Variants in BBS7 observed in about 807,000 individuals in gnomAD.
BBS7 encodes BBSome complex member BBS7.
BBS7 carries 50 observed loss-of-function variants against 90.3 expected under a neutral mutation model. That is an observed-to-expected ratio of 0.55 (90% confidence interval 0.44 to 0.70). BBS7 has a LOEUF of 0.70. BBS7 is among the 30% of genes least tolerant of loss of function. The pLI, the probability that BBS7 is intolerant of heterozygous loss-of-function variation, is 0.00. For missense variants in BBS7, 729 were observed against 838.9 expected, an observed-to-expected ratio of 0.87 and a Z score of 1.62; for synonymous variants, 235 against 287.4, an observed-to-expected ratio of 0.82 and a Z score of 1.85.
rs1725867914 is a variant in BBS7 at position 121,843,956 on chromosome 4, C to G, written c.1276G>C (p.Val426Leu). ...GAATCACAGCTGCTAAAGCTAACAACAGCAGAATTTTTATCCACATCAAGT... is the reference window on the plus strand; with the variant it reads ...GAATCACAGCTGCTAAAGCTAACAAGAGCAGAATTTTTATCCACATCAAGT... ...DLLDVDKNSAVVSFSSCDSES... is the reference protein window; with the variant it reads ...DLLDVDKNSALVSFSSCDSES... The change falls in exon 12 of 19, where the codon GTT becomes CTT. Residue 426 changes from valine to leucine, a missense_variant. Transcript: ENST00000264499. The G allele has an allele frequency of 6.2e-7, 1 of 1,602,536 alleles. No homozygotes were observed. The highest frequency in any genetic ancestry group is 1.3e-5 in the African/African-American group (1 of 74,762).
intron 8 of BBS7, among the ~76,000 whole-genome samples, chr4:121,851,214 T>C (rs1046330976): frequency 2.6e-5 from 4 of 151,960 alleles, no homozygotes; most frequent in African/African-American, 7.2e-5. Flanking sequence ...TGGAAAACAT[T>C]ACAAAAATTT....
intron 10 of BBS7, 25 bp from the exon 11 acceptor site, chr4:121,845,721 G>A (rs759807362): frequency 5.0e-6 from 8 of 1,591,564 alleles, no homozygotes; most frequent in Non-Finnish European, 6.9e-6. Flanking sequence ...ATACAAATTT[G>A]TCAAATATAA....
At chr4:121,827,778 T>G in intron 18 of BBS7, 1 of 939,698 alleles carries the variant, frequency 1.1e-6, no homozygotes, top group Non-Finnish European at 1.3e-6. Context: ...ATGCTGCATT[T>G]TTATAATTCA....
chr4:121,856,604 C>G (rs1354586127), intron 5 of BBS7, among the ~76,000 whole-genome samples: 1 of 151,798 alleles, frequency 6.6e-6, no homozygotes, highest in African/African-American at 2.4e-5. Context: ...CCCAGCTACT[C>G]AGGAGGCTAA....
rs752444418 is a variant in BBS7, at chr4:121,870,258, G to A, written c.36+20C>T. On this transcript the variant is annotated intron_variant, in intron 1 of 18. Coordinates refer to ENST00000264499, the MANE Select transcript of BBS7 (RefSeq NM_176824.3). ...GCTGGGCTTGCCCAGCGCGGCGCCC[G>A]CCCTATCCCTTGGGTTTACCTGCAG... 2.2e-5 allele frequency: 36 copies of A among 1,613,960 alleles called. No individual in the cohort carries two copies. Among genetic ancestry groups the A allele is most frequent in the Non-Finnish European group, 2.9e-5 (34 of 1,179,964 alleles).
chr4:121,862,839 G>A (rs769078986), intron 3 of BBS7, among the ~76,000 whole-genome samples: 2 of 152,128 alleles, frequency 1.3e-5, no homozygotes, highest in Non-Finnish European at 2.9e-5. Context: ...CATGAGCTTG[G>A]AATAAGACCC....
intron 4 of BBS7, among the ~76,000 whole-genome samples, chr4:121,860,780 A>G (rs1336919893): frequency 6.6e-6 from 1 of 152,180 alleles, no homozygotes; most frequent in African/African-American, 2.4e-5. Context: ...TGTGCATTAT[A>G]CAAAACTTTG....
At chr4:121,861,744 A>C in intron 3 of BBS7, 65 bp from the exon 4 acceptor site, 1 of 1,558,614 alleles carries the variant, frequency 6.4e-7, no homozygotes, top group South Asian at 1.1e-5. Flanking sequence ...TTTCCTTTAC[A>C]ATAGAAAATG....
intron 2 of BBS7, among the ~76,000 whole-genome samples, chr4:121,866,040 C>A (rs1727253711): frequency 6.6e-6 from 1 of 152,032 alleles, no homozygotes; most frequent in Non-Finnish European, 1.5e-5. Context: ...ATGTTTAGAT[C>A]ATTTGCCCAC....
chr4:121,855,900 G>GTGTATATA (rs899989641), intron 5 of BBS7, among the ~76,000 whole-genome samples: 2 of 142,132 alleles, frequency 1.4e-5, no homozygotes, highest in South Asian at 4.2e-4. Context: ...ATACATGTAT[G>GTGTATATA]TGTATATATG....
intron 5 of BBS7, among the ~76,000 whole-genome samples, chr4:121,858,369 A>AGTGT (rs56144001): frequency 2.7e-5 from 4 of 150,382 alleles, no homozygotes; most frequent in African/African-American, 7.4e-5. Context: ...CATCCTATAG[A>AGTGT]GTGTGTGTGT....
intron 7 of BBS7, 76 bp downstream of exon 7, chr4:121,854,623 GATAAA>G (rs1726500390): frequency 1.5e-6 from 2 of 1,364,940 alleles, no homozygotes; most frequent in Admixed American, 4.0e-5. Flanking sequence ...AGTATAAATA[GATAAA>G]ATAGAATAAA....
In BBS7 at chr4:121,859,101, T is replaced by C. The variant is rs1243556280; in HGVS notation, c.419A>G (p.Tyr140Cys). The C allele has an allele frequency of 3.7e-6, 6 of 1,613,764 alleles. No individual in the cohort carries two copies. Among genetic ancestry groups the C allele is most frequent in the Non-Finnish European group, 5.1e-6 (6 of 1,179,864 alleles). ...ATTGATTTTATCCCCAGAAAGGTAA[T>C]AATGTTGGTCTTTGCAGTCACAATA... ...NHYCDCKDQH[Y>C]YLSGDKINDV... Residue 140 changes from tyrosine (Y) to cysteine (C), a missense_variant, in exon 5 of 19, where the codon TAT becomes TGT. Tyr to Cys is a radical substitution (Grantham distance 194). Transcript: ENST00000264499.
At chr4:121,868,201 G>C (rs566391695) in intron 1 of BBS7, among the ~76,000 whole-genome samples, 155 bp from the exon 2 acceptor site, 1 of 152,230 alleles carries the variant, frequency 6.6e-6, no homozygotes, top group South Asian at 2.1e-4. Flanking sequence ...ATATTAGTCA[G>C]AATACATATA....
intron 12 of BBS7, among the ~76,000 whole-genome samples, chr4:121,842,273 AAAAG>A (rs1725782203): frequency 6.6e-6 from 1 of 151,320 alleles, no homozygotes. Flanking sequence ...AAAAAAAAGA[AAAAG>A]AAAATTATTC....
At chr4:121,863,346 G>A (rs915556653) in intron 2 of BBS7, 67 bp from the exon 3 acceptor site, 5 of 1,331,382 alleles carry the variant, frequency 3.8e-6, no homozygotes, top group Non-Finnish European at 4.3e-6. Flanking sequence ...TTATATACAG[G>A]GAAAGCAAGA....
intron 14 of BBS7, among the ~76,000 whole-genome samples, chr4:121,833,887 CA>C (rs1483444295): frequency 6.6e-6 from 1 of 151,804 alleles, no homozygotes; most frequent in Non-Finnish European, 1.5e-5. Context: ...ACATAAACTA[CA>C]AAACATACTT....
chr4:121,859,226 A>AT, intron 4 of BBS7, 48 bp from the exon 5 acceptor site: 1 of 1,541,176 alleles, frequency 6.5e-7, no homozygotes, highest in Non-Finnish European at 9.0e-7. Context: ...CAGGTACTGA[A>AT]TTTTTTTCAG....
chr4:121,858,122 C>G (rs1222982941), intron 5 of BBS7, among the ~76,000 whole-genome samples: 1 of 152,100 alleles, frequency 6.6e-6, no homozygotes, highest in Non-Finnish European at 1.5e-5. Flanking sequence ...GAACCTTTAA[C>G]ATTACTTTGT....
Sources: gnomAD v4.1 joint callset for allele counts (sites outside exome capture counted in the v4.1 genomes callset) on GRCh38, gnomAD v4.1.1 for gene constraint, MANE v1.5 for transcripts, NCBI Gene and HGNC (gene_info 2026-07-23, HGNC 2026-07-21) for gene names.